The following ADGRA3 variants were observed in gnomAD, a reference collection of about 807,000 sequenced individuals.
The protein encoded by ADGRA3 is adhesion G protein-coupled receptor A3, also known as G-protein coupled receptor 125.
Under a neutral mutation model 119.8 loss-of-function variants are expected in ADGRA3, and 56 were observed. The ratio of observed to expected loss-of-function variants is 0.47; its 90% CI spans 0.38 to 0.58. The LOEUF (loss-of-function observed/expected upper bound fraction) is 0.58, where lower values mean the gene tolerates loss of function less well. Among genes scored for constraint, ADGRA3 ranks in the 20% least tolerant of loss-of-function variants. The probability of loss-of-function intolerance (pLI) is 0.00; values close to 1 mark genes in which losing one functional copy is unlikely to be tolerated. For synonymous variants in ADGRA3, 607 were observed against 623.8 expected (o/e 0.97, Z 0.40); for missense variants, 1,516 against 1,649.0 (o/e 0.92, Z 1.40).
chr4:22,505,901 T>C (rs1424114897), intron 1 of ADGRA3, among the ~76,000 whole-genome samples: 2 of 152,144 alleles, frequency 1.3e-5, no homozygotes, highest in Admixed American at 6.5e-5. Context: ...AGAAGTCACA[T>C]ACATCCACAA....
chr4:22,393,424 G>C (rs1331907923), intron 16 of ADGRA3: 1 of 152,196 alleles, frequency 6.6e-6, no homozygotes, highest in Non-Finnish European at 1.5e-5. Context: ...ATAAGTTCCA[G>C]AGTAAGAGAC....
At chr4:22,422,740 G>A (rs78216482) in intron 11 of ADGRA3, among the ~76,000 whole-genome samples, 4 of 152,142 alleles carry the variant, frequency 2.6e-5, no homozygotes. Context: ...AACGAATGCA[G>A]TTCAGAGAAA....
rs1408145188 is a variant in ADGRA3 at position 22,515,406 on chromosome 4, G to T, written c.257+122C>A. ...AGCACACGAGGTCTTTCCTAGCACC[G>T]CCCCCTGCCTACAGCTCCACACAAA... On this transcript the variant is annotated intron_variant, in intron 1 of 18. Transcript: ENST00000334304. 8 of 1,220,946 alleles carry T rather than the reference G, an allele frequency of 6.6e-6. No homozygotes were observed. The Admixed American group carries it at 1.6e-4, about 24-fold the overall frequency. The allele number at this position is 1,220,946 out of a possible 1,614,324, so 75.6% of individuals were successfully genotyped here. A position where few individuals can be genotyped will look rare whatever the true frequency, so the allele number is the denominator to read the frequency against.
intron 9 of ADGRA3, 125 bp from the exon 10 acceptor site, chr4:22,435,591 T>G: frequency 1.2e-6 from 1 of 835,344 alleles, no homozygotes. Flanking sequence ...TTACTCATCA[T>G]GGCCTTCTTA....
chr4:22,469,720 C>T (rs764106500), intron 2 of ADGRA3, among the ~76,000 whole-genome samples: 4 of 152,186 alleles, frequency 2.6e-5, no homozygotes, highest in Non-Finnish European at 5.9e-5. Context: ...TAACCATGGT[C>T]TAGTCTAGGG....
chr4:22,447,694 T>C (rs978022289), intron 4 of ADGRA3, among the ~76,000 whole-genome samples, 183 bp from the exon 5 acceptor site: 5 of 152,180 alleles, frequency 3.3e-5, no homozygotes, highest in African/African-American at 1.2e-4. Flanking sequence ...AAGAAAATTA[T>C]GCTTCACCTT....
chr4:22,499,587 GCCT>G (rs1300545256), intron 1 of ADGRA3, among the ~76,000 whole-genome samples: 2 of 152,110 alleles, frequency 1.3e-5, no homozygotes, highest in Admixed American at 1.3e-4. Flanking sequence ...TCAGATGGAG[GCCT>G]CCCAAAAATG....
At chr4:22,483,001 C>T (rs1367285700) in intron 1 of ADGRA3, among the ~76,000 whole-genome samples, 1 of 152,152 alleles carries the variant, frequency 6.6e-6, no homozygotes, top group African/African-American at 2.4e-5. Flanking sequence ...GCAGTGGTAG[C>T]GGGGCTCTGC....
chr4:22,472,837 T>A (rs1345644697), intron 2 of ADGRA3, among the ~76,000 whole-genome samples: 2 of 152,148 alleles, frequency 1.3e-5, no homozygotes, highest in South Asian at 4.1e-4. Flanking sequence ...GGAGACATCT[T>A]ACAGTGTAGC....
intron 4 of ADGRA3, among the ~76,000 whole-genome samples, chr4:22,451,270 T>C (rs1424305555): frequency 6.6e-6 from 1 of 152,088 alleles, no homozygotes; most frequent in East Asian, 1.9e-4. Context: ...AGATTGATCA[T>C]AAAGAACAAT....
rs757134132 is a variant in ADGRA3, at chr4:22,515,716, C to T, written c.69G>A (p.Ala23=). ...PPLLLPLSLL[A]LLALLGGGGG... ...CGCCGCCTCCCAGCAGCGCGAGCAG[C>T]GCTAACAGCGAGAGCGGCAGCAACA... The change falls in exon 1 of 19, where the codon GCG becomes GCA. Residue 23 remains alanine, a synonymous_variant. Transcript: ENST00000334304. 29 of 1,063,718 alleles carry T rather than the reference C, an allele frequency of 2.7e-5. No homozygotes were observed. The South Asian group carries it at 9.5e-4, about 35-fold the overall frequency. The allele number at this position is 1,063,718 out of a possible 1,614,324, so 65.9% of individuals were successfully genotyped here.
chr4:22,424,465 G>C (rs1560309873), intron 10 of ADGRA3, 113 bp from the exon 11 acceptor site: 3 of 1,147,514 alleles, frequency 2.6e-6, no homozygotes, highest in Non-Finnish European at 3.7e-6. Context: ...AATTCCACAT[G>C]AGAACCCAAC....
At chr4:22,421,881 CAAAAAAAAA>C (rs754845592) in intron 11 of ADGRA3, among the ~76,000 whole-genome samples, 1 of 70,440 alleles carries the variant, frequency 1.4e-5, no homozygotes, top group Admixed American at 2.0e-4. Context: ...ACTCAGTCTC[CAAAAAAAAA>C]AAAAAAAAAA....
At chr4:22,491,400 T>C (rs1013599729) in intron 1 of ADGRA3, among the ~76,000 whole-genome samples, 10 of 152,194 alleles carry the variant, frequency 6.6e-5, no homozygotes, top group Non-Finnish European at 5.9e-5. Context: ...CAATTGGGTA[T>C]AATTTTTTCT....
intron 1 of ADGRA3, 155 bp downstream of exon 1, chr4:22,515,373 C>T (rs1719611029): frequency 1.2e-6 from 1 of 836,186 alleles, no homozygotes; most frequent in Non-Finnish European, 1.7e-6. Context: ...TGAACTGCAC[C>T]CATGCCAAGC....
chr4:22,476,815 C>T (rs950618652), intron 1 of ADGRA3, among the ~76,000 whole-genome samples: 2 of 127,792 alleles, frequency 1.6e-5, no homozygotes, highest in African/African-American at 5.7e-5. Context: ...TATAAGTGCC[C>T]ACCACCATAC....
intron 3 of ADGRA3, among the ~76,000 whole-genome samples, chr4:22,459,864 G>A (rs937501140): frequency 1.6e-4 from 25 of 151,964 alleles, no homozygotes; most frequent in African/African-American, 5.3e-4. Context: ...ATCTGATCAC[G>A]TCAATTCCAT....
Position 22,445,143 on chromosome 4 carries a change from G to T in ADGRA3, c.546-10C>A, listed in dbSNP as rs1183826849. 6.2e-7 allele frequency: 1 copy of T among 1,611,864 alleles called. No homozygotes were observed. The highest frequency in any genetic ancestry group is 2.2e-5 in the East Asian group (1 of 44,836). ...CTCAGTCTGGAATTCCCTGTAACATGCAAATACAACTTAGAGATTATAGTG... is the reference window on the plus strand; with the variant it reads ...CTCAGTCTGGAATTCCCTGTAACATTCAAATACAACTTAGAGATTATAGTG... On this transcript the variant is annotated splice_polypyrimidine_tract_variant and intron_variant, in intron 5 of 18. Transcript: ENST00000334304.
At position 22,388,471 on chromosome 4, in the gene ADGRA3, G is replaced by A. The variant is rs778214023; in HGVS notation, c.3200C>T (p.Ser1067Leu). 4 of 1,614,008 alleles carry A rather than the reference G, an allele frequency of 2.5e-6. No individual in the cohort carries two copies. The highest frequency in any genetic ancestry group is 1.1e-5 in the South Asian group (1 of 91,072). The change falls in exon 19 of 19, where the codon TCG (serine) becomes TTG (leucine). Residue 1067 changes from serine (S) to leucine (L), a missense_variant. Physicochemically the swap from Ser to Leu is moderately radical, Grantham distance 145. Around this residue, in one of 2 missense-constraint regions of ADGRA3, gnomAD observed 1,088 missense variants for 1,107.1 expected, o/e 0.98. Coordinates refer to ENST00000334304, the MANE Select transcript of ADGRA3 (RefSeq NM_145290.4). ...WIMTCCPGRS[S>L]YSVQVNVQPP... ...CTGGACGTTGACTTGCACTGAATAC[G>A]AGCTCCGTCCTGGGCAGCAAGTCAT...
Sources: gnomAD v4.1 joint callset for allele counts (sites outside exome capture counted in the v4.1 genomes callset) on GRCh38, gnomAD v4.1.1 for gene constraint, gnomAD v4.1.1 regional missense constraint, MANE v1.5 for transcripts, NCBI Gene and HGNC (gene_info 2026-07-23, HGNC 2026-07-21) for gene names.